Variants in TXNDC16 observed in about 807,000 individuals in gnomAD.
TXNDC16 encodes the protein thioredoxin domain containing 16, also known as thioredoxin domain-containing protein 16.
TXNDC16 carries 74 observed loss-of-function variants against 85.6 expected under a neutral mutation model. The observed-to-expected ratio is 0.86, with a 90% CI of 0.72 to 1.05. The LOEUF is 1.05. Among genes scored for constraint, TXNDC16 ranks in the 50% least tolerant of loss-of-function variants. The pLI is 0.00. For missense variants in TXNDC16, 959 were observed against 947.0 expected (o/e 1.01, Z -0.17); for synonymous variants, 335 against 326.5 (o/e 1.03, Z -0.28).
At chr14:52,454,351 G>A (rs1011925347) in intron 18 of TXNDC16, among the ~76,000 whole-genome samples, 27 of 151,580 alleles carry the variant, frequency 1.8e-4, no homozygotes, top group African/African-American at 5.1e-4. Context: ...ACTTGAGACC[G>A]GCAGGCGGAG....
intron 9 of TXNDC16, among the ~76,000 whole-genome samples, chr14:52,495,114 G>C (rs141634424): frequency 6.6e-6 from 1 of 152,274 alleles, no homozygotes; most frequent in Non-Finnish European, 1.5e-5. Context: ...CCTAAAACCT[G>C]GTACCTTAAA....
chr14:52,527,862 T>A (rs2037374333), intron 6 of TXNDC16, among the ~76,000 whole-genome samples: 1 of 151,780 alleles, frequency 6.6e-6, no homozygotes, highest in Non-Finnish European at 1.5e-5. Context: ...GTAAATAGTA[T>A]GATGCTATGC....
chr14:52,488,831 GAAA>G (rs199871075), intron 11 of TXNDC16, among the ~76,000 whole-genome samples: 5 of 89,958 alleles, frequency 5.6e-5, no homozygotes, highest in Admixed American at 1.3e-4. Flanking sequence ...GAGACTCTGG[GAAA>G]AAAAAAAAAA....
intron 6 of TXNDC16, among the ~76,000 whole-genome samples, chr14:52,527,497 C>T (rs1594754557): frequency 6.6e-6 from 1 of 152,088 alleles, no homozygotes; most frequent in African/African-American, 2.4e-5. Flanking sequence ...GTGATAGGGG[C>T]CTTCCTCTTC....
intron 9 of TXNDC16, among the ~76,000 whole-genome samples, chr14:52,507,770 A>C (rs2036847039): frequency 6.6e-6 from 1 of 152,262 alleles, no homozygotes; most frequent in African/African-American, 2.4e-5. Context: ...CATATCTATA[A>C]GTATCTGATC....
At chr14:52,447,471 T>G (rs946242594) in intron 18 of TXNDC16, among the ~76,000 whole-genome samples, 4 of 152,316 alleles carry the variant, frequency 2.6e-5, no homozygotes, top group Middle Eastern at 6.8e-3. Flanking sequence ...GACCCAGTAC[T>G]GTGCTGGCTT....
chr14:52,543,591 C>A lies in TXNDC16; in HGVS notation c.-34G>T. On this transcript the variant is annotated 5_prime_UTR_variant, in exon 3 of 21. Coordinates refer to ENST00000281741, the MANE Select transcript of TXNDC16 (RefSeq NM_020784.3). ...GCAGTTGTATCTGAGCGGATTTTGT[C>A]TGTTTTTTCACTGCTGTGTTCTGTT... is the stretch of plus-strand genomic sequence containing the variant. 6.2e-7 allele frequency: 1 copy of A among 1,609,732 alleles called. No individual in the cohort carries two copies. The highest frequency in any genetic ancestry group is 8.5e-7 in the Non-Finnish European group (1 of 1,178,216).
chr14:52,449,262 C>T, intron 18 of TXNDC16, among the ~76,000 whole-genome samples: 1 of 151,886 alleles, frequency 6.6e-6, no homozygotes, highest in African/African-American at 2.4e-5. Context: ...AAAAGATAAT[C>T]CATGCCAATG....
intron 9 of TXNDC16, among the ~76,000 whole-genome samples, chr14:52,493,216 T>TATATATATACACACACAC: frequency 2.6e-5 from 3 of 115,998 alleles, no homozygotes; most frequent in African/African-American, 1.1e-4. Flanking sequence ...TATATATATA[T>TATATATATACACACACAC]ACACACACAC....
chr14:52,473,769 T>C (rs1427099882), intron 14 of TXNDC16, among the ~76,000 whole-genome samples: 2 of 152,178 alleles, frequency 1.3e-5, no homozygotes, highest in African/African-American at 4.8e-5. Context: ...AATTTTGACA[T>C]TTGCTGCCAC....
chr14:52,469,754 CA>C (rs1295618632), intron 16 of TXNDC16, among the ~76,000 whole-genome samples: 9 of 151,818 alleles, frequency 5.9e-5, no homozygotes, highest in African/African-American at 1.9e-4. Context: ...AAAAACAAAA[CA>C]AACAAAAAAA....
At chr14:52,508,221 G>A (rs1479459560) in intron 9 of TXNDC16, among the ~76,000 whole-genome samples, 1 of 151,830 alleles carries the variant, frequency 6.6e-6, no homozygotes, top group African/African-American at 2.4e-5. Context: ...ATTTACAAGA[G>A]AAAAACAAAC....
chr14:52,452,813 C>T (rs2035442256), intron 18 of TXNDC16, among the ~76,000 whole-genome samples: 1 of 152,038 alleles, frequency 6.6e-6, no homozygotes, highest in African/African-American at 2.4e-5. Context: ...CACAGGCAAC[C>T]ACAGCAAAAA....
At chr14:52,467,381 T>G (rs77865630) in intron 16 of TXNDC16, among the ~76,000 whole-genome samples, 2,338 of 152,148 alleles carry the variant, frequency 0.015, 47 homozygotes, top group African/African-American at 0.053. Context: ...ATCCAGAATA[T>G]ATAAAGAATT....
At chr14:52,536,685 A>T (rs1438659778) in intron 6 of TXNDC16, 34 bp downstream of exon 6, 11 of 1,525,920 alleles carry the variant, frequency 7.2e-6, no homozygotes, top group Non-Finnish European at 9.9e-6. Context: ...ATAAGTAACA[A>T]GTAAACAAAT....
chr14:52,496,418 C>CT (rs200696407), intron 9 of TXNDC16, among the ~76,000 whole-genome samples: 17,378 of 130,092 alleles, frequency 0.13, 1,211 homozygotes, highest in Non-Finnish European at 0.16. Context: ...TCCAACTCGT[C>CT]TTTTTTTTTT....
At chr14:52,541,890 A>G (rs114608131) in intron 4 of TXNDC16, among the ~76,000 whole-genome samples, 1 of 152,366 alleles carries the variant, frequency 6.6e-6, no homozygotes, top group African/African-American at 2.4e-5. Context: ...TTGAGTCGTT[A>G]TAACTTTGTT....
chr14:52,505,095 G>A (rs2036762431), intron 9 of TXNDC16, among the ~76,000 whole-genome samples: 1 of 152,116 alleles, frequency 6.6e-6, no homozygotes, highest in Non-Finnish European at 1.5e-5. Context: ...CCTACAAAGA[G>A]ACTTAGACTC....
intron 16 of TXNDC16, among the ~76,000 whole-genome samples, chr14:52,462,132 T>C (rs1258172430): frequency 6.6e-6 from 1 of 152,176 alleles, no homozygotes; most frequent in Non-Finnish European, 1.5e-5. Context: ...CAGAAGCAGA[T>C]TTTATGGCTT....
Sources: gnomAD v4.1 joint callset for allele counts (sites outside exome capture counted in the v4.1 genomes callset) on GRCh38, gnomAD v4.1.1 for gene constraint, MANE v1.5 for transcripts, NCBI Gene and HGNC (gene_info 2026-07-23, HGNC 2026-07-21) for gene names.